The following KIF5C variants were observed in gnomAD, a reference collection of about 807,000 sequenced individuals.
KIF5C encodes the protein kinesin family member 5C.
Under a neutral mutation model 125.2 loss-of-function variants are expected in KIF5C, and 18 were observed. The observed-to-expected ratio is 0.14, with a 90% CI of 0.10 to 0.21. The LOEUF is 0.21. Ranked by LOEUF, KIF5C falls within the 10% of genes least tolerant of loss-of-function variation. The pLI is 1.00. For synonymous variants in KIF5C, 405 were observed against 434.0 expected, an observed-to-expected ratio of 0.93 and a Z score of 0.83; for missense variants, 780 against 1,183.8, an observed-to-expected ratio of 0.66 and a Z score of 5.01.
chr2:148,983,660 A>G lies in KIF5C; in HGVS notation c.1610A>G (p.Gln537Arg). 6.2e-7 allele frequency: 1 copy of G among 1,608,458 alleles called. No individual in the cohort carries two copies. The highest frequency in any genetic ancestry group is 8.5e-7 in the Non-Finnish European group (1 of 1,176,256). ...TTTQRELSQL[Q>R]ELSNHQKKRA... ...ACACAGAGAGAGCTGAGCCAGCTAC[A>G]AGAGCTTAGCAACCACCAGAAGAAA... is the stretch of plus-strand genomic sequence containing the variant. Residue 537 changes from glutamine (Q) to arginine (R), a missense_variant, in exon 15 of 26, where the codon CAA (glutamine) becomes CGA (arginine). Coordinates refer to ENST00000435030, the MANE Select transcript of KIF5C (RefSeq NM_004522.3).
intron 1 of KIF5C, among the ~76,000 whole-genome samples, chr2:148,898,167 A>G (rs528181374): frequency 6.4e-4 from 98 of 152,034 alleles, no homozygotes; most frequent in Non-Finnish European, 1.2e-3. Context: ...TCTAGTCCAC[A>G]TAGGAATGGA....
Position 148,922,246 on chromosome 2 carries a change from T to A in KIF5C, c.217+19T>A, listed in dbSNP as rs1156359405. 4 of 1,532,066 alleles carry A rather than the reference T, an allele frequency of 2.6e-6. No individual in the cohort carries two copies. Among genetic ancestry groups the A allele is most frequent in the Non-Finnish European group, 3.6e-6 (4 of 1,108,600 alleles). The allele number at this position is 1,532,066 out of a possible 1,614,324, so 94.9% of individuals were successfully genotyped here. ...GTCAAAGGTAAGTGCTATTTCTTTA[T>A]TTCCTCCTGGGCCATTCAGAGTAAT... On this transcript the variant is annotated intron_variant, in intron 2 of 25. Coordinates refer to ENST00000435030, the MANE Select transcript of KIF5C (RefSeq NM_004522.3).
rs113980984 is a variant in KIF5C at position 149,023,077 on chromosome 2, G to A, written c.*8-1G>A. The stretch of plus-strand genomic sequence containing the variant: ...TTCTCTCTTTGGTTCTCTTTCAACA[G>A]ATATGACTCCACGTAGCATGTCAAG... On this transcript the variant is annotated splice_acceptor_variant, in intron 25 of 25. Transcript: ENST00000435030. LOFTEE classifies it low-confidence loss of function (3UTR_SPLICE). 2 of 152,130 alleles carry A rather than the reference G, an allele frequency of 1.3e-5. No individual in the cohort carries two copies. Among genetic ancestry groups the A allele is most frequent in the Non-Finnish European group, 2.9e-5 (2 of 68,030 alleles). The allele number at this position is 152,130 out of a possible 1,614,324, so 9.4% of individuals were successfully genotyped here.
At chr2:148,946,610 A>G (rs1682525315) in intron 7 of KIF5C, among the ~76,000 whole-genome samples, 1 of 152,186 alleles carries the variant, frequency 6.6e-6, no homozygotes, top group African/African-American at 2.4e-5. Context: ...TGGAGTAGGA[A>G]TTTAGAGGAT....
chr2:148,993,088 C>T (rs1681570888), intron 16 of KIF5C, among the ~76,000 whole-genome samples: 1 of 152,186 alleles, frequency 6.6e-6, no homozygotes, highest in Non-Finnish European at 1.5e-5. Context: ...AGAGGTAGTG[C>T]CAGCCCTGGC....
intron 12 of KIF5C, among the ~76,000 whole-genome samples, chr2:148,977,264 T>C (rs1472438022): frequency 6.6e-6 from 1 of 152,188 alleles, no homozygotes; most frequent in East Asian, 1.9e-4. Context: ...CATCCCAGCT[T>C]GTCATCTGTT....
At chr2:148,931,694 A>G (rs572046948) in intron 3 of KIF5C, among the ~76,000 whole-genome samples, 2 of 152,200 alleles carry the variant, frequency 1.3e-5, no homozygotes, top group Non-Finnish European at 2.9e-5. Context: ...TAATAAAATT[A>G]AAAACCAAAA....
At chr2:148,946,520 G>A (rs1437384354) in intron 7 of KIF5C, among the ~76,000 whole-genome samples, 1 of 152,190 alleles carries the variant, frequency 6.6e-6, no homozygotes. Context: ...ACTACATCAT[G>A]TATTAATCAT....
At chr2:148,927,171 A>C (rs142638457) in intron 2 of KIF5C, among the ~76,000 whole-genome samples, 12 of 152,092 alleles carry the variant, frequency 7.9e-5, no homozygotes, top group African/African-American at 2.7e-4. Flanking sequence ...GCAGCGATGG[A>C]GTAAGAGTTA....
intron 23 of KIF5C, among the ~76,000 whole-genome samples, chr2:149,009,739 A>G (rs1682125530): frequency 6.6e-6 from 1 of 152,176 alleles, no homozygotes; most frequent in Admixed American, 6.5e-5. Flanking sequence ...CTTGTTTTTC[A>G]CTGAGTCCTT....
intron 10 of KIF5C, among the ~76,000 whole-genome samples, chr2:148,957,160 T>A (rs897227269): frequency 1.3e-5 from 2 of 152,224 alleles, no homozygotes; most frequent in East Asian, 3.8e-4. Context: ...GAAGTTCTTT[T>A]GGAAACAAGG....
chr2:148,977,707 A>T (rs1681114096), intron 12 of KIF5C, among the ~76,000 whole-genome samples: 2 of 152,218 alleles, frequency 1.3e-5, no homozygotes, highest in Non-Finnish European at 2.9e-5. Flanking sequence ...ATGATGGTCT[A>T]CATAAAGGAC....
At chr2:149,000,230 T>C (rs1681809894) in intron 19 of KIF5C, 193 bp from the exon 20 acceptor site, 2 of 555,750 alleles carry the variant, frequency 3.6e-6, no homozygotes, top group Admixed American at 3.3e-5. Context: ...GACTCTTAGA[T>C]GCACCCCAGA....
At chr2:148,955,098 C>T (rs1040114910) in intron 10 of KIF5C, among the ~76,000 whole-genome samples, 7 of 152,102 alleles carry the variant, frequency 4.6e-5, no homozygotes, top group African/African-American at 1.7e-4. Context: ...CTCCTGCCCT[C>T]CCTCCTTCCC....
At chr2:148,963,974 G>A (rs1453912012) in intron 11 of KIF5C, among the ~76,000 whole-genome samples, 1 of 152,070 alleles carries the variant, frequency 6.6e-6, no homozygotes, top group African/African-American at 2.4e-5. Context: ...CATTTTAACT[G>A]TCACTCTTCG....
At chr2:149,008,901 A>G (rs184265108) in intron 23 of KIF5C, among the ~76,000 whole-genome samples, 68 of 152,292 alleles carry the variant, frequency 4.5e-4, no homozygotes, top group Non-Finnish European at 8.5e-4. Context: ...TCGATGAGAA[A>G]TACGAAAGCA....
chr2:148,906,072 C>A (rs1014261385), intron 1 of KIF5C, among the ~76,000 whole-genome samples: 2 of 152,048 alleles, frequency 1.3e-5, no homozygotes, highest in African/African-American at 4.8e-5. Context: ...GGGACACAGC[C>A]AAACCATATC....
At chr2:148,993,313 T>C (rs973886556) in intron 16 of KIF5C, among the ~76,000 whole-genome samples, 17 of 152,224 alleles carry the variant, frequency 1.1e-4, no homozygotes, top group African/African-American at 4.1e-4. Flanking sequence ...GAGAATATTA[T>C]GATGTGTTGA....
chr2:149,010,380 T>C lies in KIF5C; in HGVS notation c.2767+29T>C, dbSNP rs747583715. On this transcript the variant is annotated intron_variant, in intron 24 of 25. Coordinates refer to ENST00000435030, the MANE Select transcript of KIF5C (RefSeq NM_004522.3). ...CGTGCGTGCACAGTGGCGCCCGGGGTTTGAGAAGCTACTGCGGCCTCTCAG... is the reference window on the plus strand; with the variant it reads ...CGTGCGTGCACAGTGGCGCCCGGGGCTTGAGAAGCTACTGCGGCCTCTCAG... The C allele has an allele frequency of 2.5e-5, 38 of 1,513,348 alleles. No homozygotes were observed. In the South Asian group the frequency reaches 3.9e-4, roughly 15 times the overall value. 93.7% of individuals were successfully genotyped at this position (1,513,348 alleles called of 1,614,324 possible). A position where few individuals can be genotyped will look rare whatever the true frequency, so the allele number is the denominator to read the frequency against.
Sources: gnomAD v4.1 joint callset for allele counts (sites outside exome capture counted in the v4.1 genomes callset) on GRCh38, gnomAD v4.1.1 for gene constraint, MANE v1.5 for transcripts, NCBI Gene and HGNC (gene_info 2026-07-23, HGNC 2026-07-21) for gene names.